Variants in CDH5 observed in about 807,000 individuals in gnomAD.
The protein encoded by CDH5 is cadherin-5.
Under a neutral mutation model 62.0 loss-of-function variants are expected in CDH5, and 28 were observed. The ratio of observed to expected loss-of-function variants is 0.45; its 90% CI spans 0.33 to 0.62. The LOEUF (loss-of-function observed/expected upper bound fraction) is 0.62, where lower values mean the gene tolerates loss of function less well. Among genes scored for constraint, CDH5 ranks in the 20% least tolerant of loss-of-function variants. The probability of loss-of-function intolerance (pLI) is 0.02; values close to 1 mark genes in which losing one functional copy is unlikely to be tolerated. For missense variants in CDH5, 940 were observed against 1,065.1 expected (o/e 0.88, Z 1.63); for synonymous variants, 464 against 445.8 (o/e 1.04, Z -0.52).
chr16:66,396,742 G>A (rs1961191935), intron 8 of CDH5, among the ~76,000 whole-genome samples: 1 of 152,162 alleles, frequency 6.6e-6, no homozygotes, highest in Admixed American at 6.5e-5. Flanking sequence ...TTGCCAGAGG[G>A]AGGGGCAAGA....
chr16:66,401,812 C>T (rs144598666), intron 11 of CDH5, among the ~76,000 whole-genome samples: 3 of 152,304 alleles, frequency 2.0e-5, no homozygotes, highest in Non-Finnish European at 2.9e-5. Context: ...GCATTTCACT[C>T]GCCATGAGAC....
chr16:66,385,131 C>A (rs1401248819), intron 2 of CDH5, among the ~76,000 whole-genome samples: 1 of 152,140 alleles, frequency 6.6e-6, no homozygotes, highest in Non-Finnish European at 1.5e-5. Context: ...GAATAGAATT[C>A]TATTTTGGGG....
Position 66,400,967 on chromosome 16 carries a change from G to A in CDH5, c.1788G>A (p.Val596=), listed in dbSNP as rs751370999. 1 of 1,614,114 alleles carries A rather than the reference G, an allele frequency of 6.2e-7. No individual in the cohort carries two copies. The highest frequency in any genetic ancestry group is 8.5e-7 in the Non-Finnish European group (1 of 1,180,046). The part of the protein sequence containing the change: ...FCEDMAAQVG[V]SIQAVVAILL... ...AGGATATGGCCGCCCAGGTGGGCGT[G>A]AGCATCCAGGCAGTGGTAGCCATCT... is the stretch of plus-strand genomic sequence containing the variant. The change falls in exon 11 of 12, where the codon GTG becomes GTA. Residue 596 remains valine, a synonymous_variant. Transcript: ENST00000341529.
Position 66,387,033 on chromosome 16 carries a change from C to T in CDH5, c.435C>T (p.Asn145=), listed in dbSNP as rs142479369. 1.7e-4 allele frequency: 267 copies of T among 1,614,142 alleles called. No individual in the cohort carries two copies. The highest frequency in any genetic ancestry group is 1.3e-3 in the African/African-American group (97 of 75,024). The change falls in exon 3 of 12, where the codon AAC becomes AAT. Residue 145 remains asparagine (N), a synonymous_variant. Transcript: ENST00000341529. Reference sequence around the variant, plus strand: ...TCACCATCAAAGTTCATGACGTGAACGACAACTGGCCTGTGTTCACGCATC... The same window carrying T: ...TCACCATCAAAGTTCATGACGTGAATGACAACTGGCCTGTGTTCACGCATC... ...SSFTIKVHDV[N]DNWPVFTHRL...
At chr16:66,379,147 C>T (rs1446692814) in intron 1 of CDH5, 172 bp from the exon 2 acceptor site, 7 of 591,994 alleles carry the variant, frequency 1.2e-5, no homozygotes, top group South Asian at 4.7e-5. Context: ...ACCTTTCATC[C>T]GAGTGCATGA....
chr16:66,379,309 C>T lies in CDH5; in HGVS notation c.-19-10C>T. On this transcript the variant is annotated splice_polypyrimidine_tract_variant and intron_variant, in intron 1 of 11. Transcript: ENST00000341529. ...TGGCCAGAGTCTGAATGTGTCTCCT[C>T]TTTCCCCAGATCTGTTCCTCCTGGG... The T allele has an allele frequency of 6.3e-7, 1 of 1,578,870 alleles. No individual in the cohort carries two copies. Among genetic ancestry groups the T allele is most frequent in the Non-Finnish European group, 8.7e-7 (1 of 1,155,896 alleles).
chr16:66,396,174 G>A lies in CDH5; in HGVS notation c.1333G>A (p.Val445Met). ...REVYPWYNLT[V>M]EAKELDSTGT... is the part of the protein sequence containing the mutation. ...AGTCTACCCCTGGTATAACCTGACT[G>A]TGGAGGCCAAAGAACTGGATTCCAC... is the stretch of plus-strand genomic sequence containing the variant. The change falls in exon 8 of 12, where the codon GTG (valine) becomes ATG (methionine). Residue 445 changes from valine to methionine, a missense_variant. Val to Met is a conservative substitution (Grantham distance 21, BLOSUM62 1). Coordinates refer to ENST00000341529, the MANE Select transcript of CDH5 (RefSeq NM_001795.5). 6.2e-7 allele frequency: 1 copy of A among 1,614,208 alleles called. No homozygotes were observed. Among genetic ancestry groups the A allele is most frequent in the South Asian group, 1.1e-5 (1 of 91,064 alleles).
intron 11 of CDH5, among the ~76,000 whole-genome samples, chr16:66,401,262 C>G (rs1008903863): frequency 4.6e-5 from 7 of 152,198 alleles, no homozygotes; most frequent in Admixed American, 2.0e-4. Flanking sequence ...ACTCCTCCCC[C>G]ACGCATCAGG....
rs890414077 is a variant in CDH5, at chr16:66,386,828, G to A, written c.230G>A (p.Arg77His). 1.6e-5 allele frequency: 25 copies of A among 1,610,850 alleles called. 1 individual carries two copies. Among genetic ancestry groups the A allele is most frequent in the Middle Eastern group, 1.6e-4 (1 of 6,080 alleles). ...TTCTAGATCAAGTCAAGCGTGAGTC[G>A]CAAGAATGCCAAGTACCTGCTCAAA... is the stretch of plus-strand genomic sequence containing the variant. ...HVGKIKSSVS[R>H]KNAKYLLKGE... The change falls in exon 3 of 12, where the codon CGC becomes CAC. Residue 77 changes from arginine to histidine, a missense_variant. Arg to His is a conservative substitution (Grantham distance 29). Transcript: ENST00000341529.
chr16:66,375,745 C>A (rs193191552), intron 1 of CDH5, among the ~76,000 whole-genome samples: 2 of 150,856 alleles, frequency 1.3e-5, no homozygotes, highest in Admixed American at 1.3e-4. Context: ...AAATATTTTT[C>A]TTTCGTCAAT....
At position 66,387,697 on chromosome 16, in the gene CDH5, T is replaced by C. The variant is rs1017011693; in HGVS notation, c.499+600T>C. The stretch of plus-strand genomic sequence containing the variant: ...GGACTAGCACACCAAGAGTGTAGCC[T>C]TTACATGTGACGACTGTCATGGCCT... On this transcript the variant is annotated intron_variant, in intron 3 of 11. Transcript: ENST00000341529. Among the ~76,000 whole-genome samples the C allele has an allele frequency of 5.9e-5, 9 of 152,224 alleles. No homozygotes were observed. The East Asian group carries it at 1.7e-3, about 29-fold the overall frequency.
At chr16:66,395,908 C>CGG in intron 7 of CDH5, 151 bp from the exon 8 acceptor site, 1 of 708,612 alleles carries the variant, frequency 1.4e-6, no homozygotes, top group Non-Finnish European at 2.3e-6. Flanking sequence ...TAGGTCCACT[C>CGG]TTGTCTGAGT....
chr16:66,384,907 A>G (rs1474860481), intron 2 of CDH5, among the ~76,000 whole-genome samples: 1 of 152,172 alleles, frequency 6.6e-6, no homozygotes, highest in South Asian at 2.1e-4. Flanking sequence ...CGGAGGTTGC[A>G]GTGAGCCAAG....
At chr16:66,400,685 G>A in intron 10 of CDH5, 86 bp from the exon 11 acceptor site, 19 of 1,530,030 alleles carry the variant, frequency 1.2e-5, no homozygotes, top group Non-Finnish European at 1.6e-5. Context: ...GCAGGCTGGT[G>A]CAGTCAGGGA....
rs1195698006 is a variant in CDH5, at chr16:66,389,506, C to G, written c.765C>G (p.Phe255Leu). 1 of 1,596,028 alleles carries G rather than the reference C, an allele frequency of 6.3e-7. No homozygotes were observed. Among genetic ancestry groups the G allele is most frequent in the East Asian group, 2.3e-5 (1 of 43,988 alleles). The stretch of plus-strand genomic sequence containing the variant: ...CTCTGCAAGACATCAATGACAACTT[C>G]CCCTTCTTCACCCAGAGTGAGCCCC... Reference protein sequence around the residue: ...LVTLQDINDNFPFFTQTKYTF... With the variant: ...LVTLQDINDNLPFFTQTKYTF... The change falls in exon 5 of 12, where the codon TTC (phenylalanine) becomes TTG (leucine). Residue 255 changes from phenylalanine (F) to leucine (L), a missense_variant. Coordinates refer to ENST00000341529, the MANE Select transcript of CDH5 (RefSeq NM_001795.5).
At chr16:66,370,809 G>C (rs994400970) in intron 1 of CDH5, among the ~76,000 whole-genome samples, 1 of 152,236 alleles carries the variant, frequency 6.6e-6, no homozygotes, top group Non-Finnish European at 1.5e-5. Context: ...TGGGCAAAAA[G>C]CCTGCTGCTG....
chr16:66,403,617 GC>G lies in CDH5; in HGVS notation c.*449del, dbSNP rs953401258. On this transcript the variant is annotated 3_prime_UTR_variant, in exon 12 of 12. Transcript: ENST00000341529. The surrounding 1 kb of genome is among the most constrained non-coding windows in gnomAD (Gnocchi z 4.3). ...AGGCCTGGACAGCTTGACTTGTGGG[GC>G]AGGATTCTCTGCAGCCCATTCCCAA... 2 of 182,824 alleles carry G rather than the reference GC, an allele frequency of 1.1e-5. No individual in the cohort carries two copies. Among genetic ancestry groups the G allele is most frequent in the Non-Finnish European group, 2.3e-5 (2 of 86,354 alleles). The allele number at this position is 182,824 out of a possible 1,614,324, so 11.3% of individuals were successfully genotyped here.
intron 6 of CDH5, among the ~76,000 whole-genome samples, 169 bp downstream of exon 6, chr16:66,390,759 T>C (rs1961070386): frequency 6.6e-6 from 1 of 152,176 alleles, no homozygotes; most frequent in Admixed American, 6.5e-5. Flanking sequence ...GCCGAGTTAC[T>C]TGGGAAGCAA....
intron 2 of CDH5, among the ~76,000 whole-genome samples, chr16:66,379,912 G>T (rs1164648319): frequency 1.4e-5 from 2 of 146,840 alleles, no homozygotes; most frequent in Non-Finnish European, 3.0e-5. Flanking sequence ...TGGTGGTGAT[G>T]ATAAAGGGGT....
Sources: allele counts gnomAD v4.1 joint callset (sites outside exome capture counted in the v4.1 genomes callset), GRCh38; gene constraint gnomAD v4.1.1; non-coding constraint Gnocchi (gnomAD v3.1); transcripts MANE v1.5; gene names NCBI Gene and HGNC (gene_info 2026-07-23, HGNC 2026-07-21).